Variants in PDE11A observed in about 807,000 individuals in gnomAD.
The protein encoded by PDE11A is dual 3',5'-cyclic-AMP and -GMP phosphodiesterase 11A.
PDE11A carries 100 observed loss-of-function variants against 100.5 expected under a neutral mutation model. The ratio of observed to expected loss-of-function variants is 1.00; its 90% CI spans 0.85 to 1.18. The LOEUF (loss-of-function observed/expected upper bound fraction) is 1.18. PDE11A is among the 50% of genes most tolerant of loss of function. PDE11A has a pLI of 0.00. For synonymous variants in PDE11A, 381 were observed against 420.8 expected (o/e 0.91, Z 1.16); for missense variants, 1,141 against 1,152.6 (o/e 0.99, Z 0.15).
chr2:177,908,304 G>C (rs1444239946), intron 2 of PDE11A, among the ~76,000 whole-genome samples: 3 of 152,248 alleles, frequency 2.0e-5, no homozygotes, highest in South Asian at 4.1e-4. Context: ...CCAGTTTCCG[G>C]AGATAACAAG....
intron 9 of PDE11A, among the ~76,000 whole-genome samples, chr2:177,783,243 C>G (rs1324773415): frequency 6.6e-6 from 1 of 152,172 alleles, no homozygotes; most frequent in Non-Finnish European, 1.5e-5. Flanking sequence ...GAGGGCTTGT[C>G]AAGGATTTTC....
At chr2:177,700,404 A>C (rs962900222) in intron 14 of PDE11A, among the ~76,000 whole-genome samples, 1 of 10,528 alleles carries the variant, frequency 9.5e-5, no homozygotes, top group Non-Finnish European at 6.4e-3. Flanking sequence ...CCTGGCCTCA[A>C]AAAAAAAAAA....
rs377542945 is a variant in PDE11A, at chr2:177,967,677, T to A, written c.1071+46625A>T. 2.0e-5 allele frequency among the ~76,000 whole-genome samples: 3 copies of A among 152,114 alleles called. No individual in the cohort carries two copies. The East Asian group carries it at 5.8e-4, about 29-fold the overall frequency. The stretch of plus-strand genomic sequence containing the variant: ...CTCAGCCTCTAAAACCTGGCCCCAA[T>A]CTACTGTCTCCCCAGGGCCCATCCC... On this transcript the variant is annotated intron_variant, in intron 2 of 19. Coordinates refer to ENST00000286063, the MANE Select transcript of PDE11A (RefSeq NM_016953.4).
chr2:177,736,392 T>A (rs2081783010), intron 10 of PDE11A, among the ~76,000 whole-genome samples: 1 of 151,544 alleles, frequency 6.6e-6, no homozygotes, highest in Non-Finnish European at 1.5e-5. Flanking sequence ...GGTGTGGTGG[T>A]GGGCACCTGT....
chr2:177,898,123 G>C lies in PDE11A; in HGVS notation c.1237C>G (p.Arg413Gly), dbSNP rs779083062. The change falls in exon 4 of 20, where the codon CGG becomes GGG. Residue 413 changes from arginine to glycine, a missense_variant. Physicochemically the swap from Arg to Gly is moderately radical, Grantham distance 125. Coordinates refer to ENST00000286063, the MANE Select transcript of PDE11A (RefSeq NM_016953.4). ...TCACATTTCAGCAGAGTTTGGGCCC[G>C]ATGCATTATTTTCTTGACAATTTTC... ...LEKIVKKIMH[R>G]AQTLLKCERC... is the part of the protein sequence containing the mutation. 1 of 1,610,776 alleles carries C rather than the reference G, an allele frequency of 6.2e-7. No homozygotes were observed. Among genetic ancestry groups the C allele is most frequent in the Non-Finnish European group, 8.5e-7 (1 of 1,177,054 alleles).
rs556370033 is a variant in PDE11A, at chr2:177,858,573, A to C, written c.1367+17286T>G. Among the ~76,000 whole-genome samples the C allele has an allele frequency of 5.3e-5, 8 of 152,162 alleles. No individual in the cohort carries two copies. In the South Asian group the frequency reaches 1.7e-3, roughly 32 times the overall value. ...ACCATCTCACACCAGTTAGAATGGC[A>C]ATCATTAAAAAGTCAGGAAACAACA... is the stretch of plus-strand genomic sequence containing the variant. On this transcript the variant is annotated intron_variant, in intron 5 of 19. Transcript: ENST00000286063.
chr2:177,726,447 T>A (rs2081600346), intron 12 of PDE11A, among the ~76,000 whole-genome samples: 1 of 152,068 alleles, frequency 6.6e-6, no homozygotes, highest in South Asian at 2.1e-4. Context: ...CAAGAAATGA[T>A]CTCTTCCCTC....
chr2:178,072,827 G>C (rs534719439), upstream of PDE11A: 55 of 1,193,684 alleles, frequency 4.6e-5, no homozygotes, highest in African/African-American at 7.1e-4. Flanking sequence ...ACGCCCCTGA[G>C]TGAGGCACGG....
At chr2:178,011,871 A>T (rs1292030149) in intron 2 of PDE11A, 1 of 152,250 alleles carries the variant, frequency 6.6e-6, no homozygotes, top group Non-Finnish European at 1.5e-5. Flanking sequence ...TACTGAGGCC[A>T]TGGCAGAGAT....
chr2:177,742,612 A>G (rs2081889884), intron 10 of PDE11A, among the ~76,000 whole-genome samples: 1 of 152,200 alleles, frequency 6.6e-6, no homozygotes, highest in Admixed American at 6.5e-5. Context: ...CCCACAAGAC[A>G]GGGACTCTCT....
intron 19 of PDE11A, among the ~76,000 whole-genome samples, chr2:177,656,138 C>T (rs1268469616): frequency 6.6e-6 from 1 of 152,204 alleles, no homozygotes; most frequent in Non-Finnish European, 1.5e-5. Context: ...AGTGCATACT[C>T]TGATGAAAGG....
intron 5 of PDE11A, among the ~76,000 whole-genome samples, chr2:177,842,488 C>T (rs1448238786): frequency 6.6e-6 from 1 of 152,216 alleles, no homozygotes; most frequent in African/African-American, 2.4e-5. Flanking sequence ...GAGGCCAAGG[C>T]TCAAAGGTGA....
intron 1 of PDE11A, among the ~76,000 whole-genome samples, chr2:178,032,145 T>C (rs1022946052): frequency 1.3e-5 from 2 of 152,144 alleles, no homozygotes; most frequent in African/African-American, 4.8e-5. Context: ...TAAAATTGTA[T>C]TCATATCCTA....
chr2:178,055,716 A>T (rs148385299), intron 1 of PDE11A, among the ~76,000 whole-genome samples: 5 of 152,248 alleles, frequency 3.3e-5, no homozygotes, highest in African/African-American at 1.2e-4. Context: ...AATAGTGGTT[A>T]TCAAAGATGA....
intron 2 of PDE11A, among the ~76,000 whole-genome samples, chr2:178,093,369 T>C (rs2105884754): frequency 6.7e-6 from 1 of 148,686 alleles, no homozygotes; most frequent in Admixed American, 6.6e-5. Context: ...ATTACAAAGC[T>C]ACCTACAGTC....
chr2:177,921,193 T>C, intron 2 of PDE11A, among the ~76,000 whole-genome samples: 1 of 151,778 alleles, frequency 6.6e-6, no homozygotes, highest in East Asian at 1.9e-4. Context: ...ACGTAGCATA[T>C]TTGTATTAAT....
intron 9 of PDE11A, among the ~76,000 whole-genome samples, chr2:177,788,378 C>T (rs1231119372): frequency 6.1e-5 from 9 of 148,366 alleles, no homozygotes; most frequent in African/African-American, 2.0e-4. Flanking sequence ...CTCTGGGACG[C>T]ATTCAAAGCA....
chr2:177,691,177 C>T (rs560223470), intron 15 of PDE11A, among the ~76,000 whole-genome samples: 79 of 152,324 alleles, frequency 5.2e-4, no homozygotes, highest in African/African-American at 1.9e-3. Flanking sequence ...TATGTAATCA[C>T]AACCTGTTGA....
intron 2 of PDE11A, among the ~76,000 whole-genome samples, chr2:178,003,446 G>A (rs1330311196): frequency 6.6e-6 from 1 of 152,098 alleles, no homozygotes; most frequent in Non-Finnish European, 1.5e-5. Context: ...AAAGAAGTCA[G>A]TCACCAAGGA....
Sources: gnomAD v4.1 joint callset for allele counts (sites outside exome capture counted in the v4.1 genomes callset) on GRCh38, gnomAD v4.1.1 for gene constraint, MANE v1.5 for transcripts, NCBI Gene and HGNC (gene_info 2026-07-23, HGNC 2026-07-21) for gene names.